Variants in ADGRD1 observed in about 807,000 individuals in gnomAD.
ADGRD1 encodes G-protein coupled receptor 133.
ADGRD1 carries 77 observed loss-of-function variants against 113.4 expected under a neutral mutation model. That is an observed-to-expected ratio of 0.68 (90% CI 0.57 to 0.82). ADGRD1 has a LOEUF of 0.82. Among genes scored for constraint, ADGRD1 ranks in the 40% least tolerant of loss-of-function variants. The pLI is 0.00. For synonymous variants in ADGRD1, 474 were observed against 475.0 expected (o/e 1.00, Z 0.03); for missense variants, 1,036 against 1,139.1 (o/e 0.91, Z 1.30).
At chr12:131,014,070 C>T in intron 12 of ADGRD1, 129 bp from the exon 13 acceptor site, 1 of 910,172 alleles carries the variant, frequency 1.1e-6, no homozygotes, top group Non-Finnish European at 1.6e-6. Context: ...TGAAAGAAAT[C>T]AAAGCTTCAT....
chr12:131,000,374 C>T lies in ADGRD1; in HGVS notation c.967-9C>T, dbSNP rs781107231. The T allele has an allele frequency of 1.4e-5, 22 of 1,611,618 alleles. No homozygotes were observed. The highest frequency in any genetic ancestry group is 1.8e-5 in the Non-Finnish European group (21 of 1,178,030). ...AGGTGCTGAGCAGTGTCATTTTGTC[C>T]ACCTTTAGACCTTCTTAAAAGCCGT... On this transcript the variant is annotated splice_polypyrimidine_tract_variant and intron_variant, in intron 8 of 24. Transcript: ENST00000261654.
At chr12:131,020,023 G>C (rs1318956623) in intron 13 of ADGRD1, among the ~76,000 whole-genome samples, 2 of 131,658 alleles carry the variant, frequency 1.5e-5, no homozygotes, top group African/African-American at 5.7e-5. Flanking sequence ...GCTCCATCCA[G>C]GGCAGGGGGT....
Position 131,103,036 on chromosome 12 carries a change from TC to T in ADGRD1, c.1672-1793del. Among the ~76,000 whole-genome samples, 4 of 152,360 alleles carry T rather than the reference TC, an allele frequency of 2.6e-5. 1 individual carries two copies. The highest frequency in any genetic ancestry group is 2.6e-4 in the Admixed American group (4 of 15,306). ...ATCATGAACCTGGAAGGGGGATTCTTCCGTCTCCCTGGCCCTGGCCACGCAG... is the reference window on the plus strand; with the variant it reads ...ATCATGAACCTGGAAGGGGGATTCTTCGTCTCCCTGGCCCTGGCCACGCAG... On this transcript the variant is annotated intron_variant, in intron 15 of 24. Coordinates refer to ENST00000261654, the MANE Select transcript of ADGRD1 (RefSeq NM_198827.5).
chr12:130,972,721 G>C (rs1444783731), intron 4 of ADGRD1, among the ~76,000 whole-genome samples: 1 of 143,294 alleles, frequency 7.0e-6, no homozygotes, highest in Non-Finnish European at 1.5e-5. Flanking sequence ...CGGGAAGGGC[G>C]GGGGCATATC....
intron 2 of ADGRD1, among the ~76,000 whole-genome samples, chr12:130,955,732 T>C (rs1869486008): frequency 6.6e-6 from 1 of 152,170 alleles, no homozygotes; most frequent in South Asian, 2.1e-4. Flanking sequence ...CGAGCGCTAT[T>C]GTATGGCCCT....
In ADGRD1 at chr12:130,954,025, C is replaced by T. The variant is rs549594277; in HGVS notation, c.-441C>T. On this transcript the variant is annotated 5_prime_UTR_variant, in exon 1 of 25. Coordinates refer to ENST00000261654, the MANE Select transcript of ADGRD1 (RefSeq NM_198827.5). This position sits in a 1 kb window ranked among gnomAD's most constrained non-coding sequence, Gnocchi z 4.7. ...AGCAGGCGGGCGCTCCAGGGGAAAACCACGCACAAAACCTTCTTCAGAGAA... is the reference window on the plus strand; with the variant it reads ...AGCAGGCGGGCGCTCCAGGGGAAAATCACGCACAAAACCTTCTTCAGAGAA... The T allele has an allele frequency of 6.4e-6, 1 of 155,870 alleles. No homozygotes were observed. The highest frequency in any genetic ancestry group is 2.1e-4 in the South Asian group (1 of 4,856). 9.7% of individuals were successfully genotyped at this position (155,870 alleles called of 1,614,324 possible). A position where few individuals can be genotyped will look rare whatever the true frequency, so the allele number is the denominator to read the frequency against.
chr12:130,994,715 T>C (rs567023480), intron 8 of ADGRD1, among the ~76,000 whole-genome samples: 138 of 152,338 alleles, frequency 9.1e-4, no homozygotes, highest in African/African-American at 3.0e-3. Flanking sequence ...TGAGCCACAG[T>C]TGCATGCTCA....
intron 8 of ADGRD1, 118 bp from the exon 9 acceptor site, chr12:131,000,265 G>A: frequency 1.3e-6 from 1 of 754,738 alleles, no homozygotes; most frequent in Non-Finnish European, 2.4e-6. Flanking sequence ...TGACTGCCGT[G>A]CATAAAACTG....
rs565444358 is a variant in ADGRD1, at chr12:131,050,500, T to A, written c.1474-26301T>A. 1.3e-5 allele frequency among the ~76,000 whole-genome samples: 2 copies of A among 152,148 alleles called. No individual in the cohort carries two copies. The highest frequency in any genetic ancestry group is 4.2e-4 in the South Asian group (2 of 4,806). The stretch of plus-strand genomic sequence containing the variant: ...GGTTCTGCAGGGGGAACAGGAAGCA[T>A]GGTGCTGACCTCTGCTCAGCTTCTG... On this transcript the variant is annotated intron_variant, in intron 13 of 24. Transcript: ENST00000261654. The surrounding 1 kb of genome is among the most constrained non-coding windows in gnomAD (Gnocchi z 4.8).
chr12:130,992,277 C>T lies in ADGRD1; in HGVS notation c.851C>T (p.Thr284Ile). ...DAYHPIITNL[T>I]EERKTFQSPG... ...TACCATCCCATCATAACCAACCTGA[C>T]AGAAGAGAGAAAAACCTTCCAAAGT... Residue 284 changes from threonine to isoleucine, a missense_variant, in exon 8 of 25, where the codon ACA becomes ATA. Transcript: ENST00000261654. 6.2e-7 allele frequency: 1 copy of T among 1,613,742 alleles called. No individual in the cohort carries two copies. The highest frequency in any genetic ancestry group is 8.5e-7 in the Non-Finnish European group (1 of 1,179,752).
chr12:131,023,204 G>C (rs1879529269), intron 13 of ADGRD1: 1 of 152,164 alleles, frequency 6.6e-6, no homozygotes, highest in Non-Finnish European at 1.5e-5. Context: ...CCATTTCTCT[G>C]CGTTCCATAG....
intron 15 of ADGRD1, among the ~76,000 whole-genome samples, chr12:131,086,483 C>G (rs1886477306): frequency 2.0e-5 from 3 of 152,242 alleles, no homozygotes; most frequent in African/African-American, 4.8e-5. Flanking sequence ...CACCAGCAAA[C>G]CTAAGCCACG....
chr12:130,976,331 G>A (rs1872303115), intron 4 of ADGRD1, among the ~76,000 whole-genome samples: 1 of 152,120 alleles, frequency 6.6e-6, no homozygotes, highest in East Asian at 1.9e-4. Flanking sequence ...TGGGGAAACT[G>A]AGGCCCAGAG....
intron 13 of ADGRD1, among the ~76,000 whole-genome samples, chr12:131,072,761 C>G (rs1885287394): frequency 6.6e-6 from 1 of 152,202 alleles, no homozygotes; most frequent in Admixed American, 6.5e-5. Context: ...GTTCCAGGGC[C>G]TCTGCTGTTG....
At position 130,987,086 on chromosome 12, in the gene ADGRD1, CTT is replaced by C. The variant is rs1206297198; in HGVS notation, c.491-6_491-5del. ...AGTACTCAGAATGGCGATCTTCACT[CTT>C]TTCCAGGCCCCTATTGGACTCATGT... On this transcript the variant is annotated splice_polypyrimidine_tract_variant and splice_region_variant and intron_variant, in intron 5 of 24. Transcript: ENST00000261654. 1.9e-6 allele frequency: 3 copies of C among 1,613,072 alleles called. No homozygotes were observed. The highest frequency in any genetic ancestry group is 2.5e-6 in the Non-Finnish European group (3 of 1,179,090).
chr12:131,012,784 G>C (rs1476740716), intron 12 of ADGRD1, among the ~76,000 whole-genome samples: 1 of 152,206 alleles, frequency 6.6e-6, no homozygotes, highest in Non-Finnish European at 1.5e-5. Context: ...TGGTTCAGTG[G>C]GTGTCGAAAC....
chr12:131,040,497 A>G (rs1172304790), intron 13 of ADGRD1, among the ~76,000 whole-genome samples: 1 of 152,246 alleles, frequency 6.6e-6, no homozygotes, highest in Non-Finnish European at 1.5e-5. Flanking sequence ...CTATTAAACA[A>G]AATACTCACA....
intron 20 of ADGRD1, among the ~76,000 whole-genome samples, chr12:131,122,268 A>G (rs1414649596): frequency 6.6e-6 from 1 of 152,068 alleles, no homozygotes; most frequent in Non-Finnish European, 1.5e-5. Context: ...CGCGAGGGAA[A>G]GGCTTGTGGC....
Position 131,066,468 on chromosome 12 carries a change from G to A in ADGRD1, c.1474-10333G>A, listed in dbSNP as rs1043052476. Among the ~76,000 whole-genome samples, 6 of 152,274 alleles carry A rather than the reference G, an allele frequency of 3.9e-5. No individual in the cohort carries two copies. In the East Asian group the frequency reaches 5.8e-4, roughly 15 times the overall value. On this transcript the variant is annotated intron_variant, in intron 13 of 24. Coordinates refer to ENST00000261654, the MANE Select transcript of ADGRD1 (RefSeq NM_198827.5). ...GATGCCTGGCTGGGCCATTGTCCTC[G>A]GCCCCCTGTACCCTCCCTACCGCAG...
Sources: allele counts gnomAD v4.1 joint callset (sites outside exome capture counted in the v4.1 genomes callset), GRCh38; gene constraint gnomAD v4.1.1; non-coding constraint Gnocchi (gnomAD v3.1); transcripts MANE v1.5; gene names NCBI Gene and HGNC (gene_info 2026-07-23, HGNC 2026-07-21).